Variants in DLGAP5 observed in about 807,000 individuals in gnomAD.
The protein encoded by DLGAP5 is disks large-associated protein 5.
A neutral mutation model predicts 99.6 loss-of-function variants in DLGAP5; 90 were observed. The observed-to-expected ratio is 0.90, with a 90% CI of 0.76 to 1.08. The LOEUF (loss-of-function observed/expected upper bound fraction) is 1.08, where lower values mean the gene tolerates loss of function less well. Among genes scored for constraint, DLGAP5 ranks in the 50% least tolerant of loss-of-function variants. DLGAP5 has a pLI of 0.00. For missense variants in DLGAP5, 1,036 were observed against 983.5 expected (o/e 1.05, Z -0.71); for synonymous variants, 311 against 321.3 (o/e 0.97, Z 0.34).
chr14:55,163,504 C>G (rs1037101881), intron 12 of DLGAP5, among the ~76,000 whole-genome samples: 2 of 152,096 alleles, frequency 1.3e-5, no homozygotes, highest in Non-Finnish European at 2.9e-5. Flanking sequence ...CATCCGTGTG[C>G]AGGTTTTTAT....
rs143471396 is a variant in DLGAP5, at chr14:55,184,056, G to T, written c.239-303C>A. On this transcript the variant is annotated intron_variant, in intron 2 of 18. Transcript: ENST00000247191. ...TAATCCCAGCTATTCGGGAGGTTGA[G>T]GTAGGAGAATTGCTTGAACCCAGGA... 7.2e-5 allele frequency among the ~76,000 whole-genome samples: 11 copies of T among 152,184 alleles called. No individual in the cohort carries two copies. The East Asian group carries it at 2.1e-3, about 29-fold the overall frequency.
rs148249656 is a variant in DLGAP5, at chr14:55,180,231, T to C, written c.703+425A>G. ...CCATTACTCAGCTGTCACTTCAGGG[T>C]ATGGTTTTCCAGTCCTATGTCCACA... On this transcript the variant is annotated intron_variant, in intron 6 of 18. Transcript: ENST00000247191. 4.9e-3 allele frequency among the ~76,000 whole-genome samples: 742 copies of C among 152,236 alleles called. 27 individuals are homozygous for C. The highest frequency in any genetic ancestry group is 0.042 in the Admixed American group (640 of 15,286).
intron 18 of DLGAP5, among the ~76,000 whole-genome samples, chr14:55,149,773 CG>C (rs1189813878): frequency 1.4e-5 from 2 of 142,810 alleles, no homozygotes; most frequent in Non-Finnish European, 3.0e-5. Context: ...CGGCCAGGCA[CG>C]GTGGCTCACG....
intron 12 of DLGAP5, among the ~76,000 whole-genome samples, chr14:55,166,840 A>C (rs1189948219): frequency 6.6e-6 from 1 of 152,022 alleles, no homozygotes; most frequent in Non-Finnish European, 1.5e-5. Flanking sequence ...AATGAATTTT[A>C]TCATATGTAA....
intron 1 of DLGAP5, among the ~76,000 whole-genome samples, chr14:55,190,316 G>A (rs200674792): frequency 8.6e-5 from 10 of 116,538 alleles, no homozygotes; most frequent in South Asian, 5.0e-4. Context: ...ACACACACAC[G>A]CACAAAATCA....
chr14:55,179,384 G>A (rs188210968), intron 7 of DLGAP5, among the ~76,000 whole-genome samples: 4 of 152,300 alleles, frequency 2.6e-5, no homozygotes, highest in Admixed American at 1.3e-4. Context: ...TCTCTCAGCT[G>A]TGTTTTTATT....
chr14:55,169,721 A>T (rs1882785811), intron 11 of DLGAP5, among the ~76,000 whole-genome samples, 162 bp from the exon 12 acceptor site: 1 of 152,264 alleles, frequency 6.6e-6, no homozygotes, highest in Admixed American at 6.5e-5. Context: ...AATACTGAGT[A>T]CTAACTATTT....
At chr14:55,159,392 A>G (rs1003333996) in intron 13 of DLGAP5, among the ~76,000 whole-genome samples, 3 of 152,214 alleles carry the variant, frequency 2.0e-5, no homozygotes, top group African/African-American at 7.2e-5. Context: ...ATTAACATCA[A>G]GCTGGTGTTT....
intron 12 of DLGAP5, among the ~76,000 whole-genome samples, chr14:55,167,534 C>T (rs1482571362): frequency 6.6e-6 from 1 of 152,130 alleles, no homozygotes; most frequent in Non-Finnish European, 1.5e-5. Flanking sequence ...TTTTTGTTTG[C>T]TCAGGGTTTT....
chr14:55,182,573 T>A (rs1051241779), intron 3 of DLGAP5, 141 bp from the exon 4 acceptor site: 1 of 583,198 alleles, frequency 1.7e-6, no homozygotes, highest in Non-Finnish European at 2.8e-6. Context: ...TTAAATTCCT[T>A]TTTCTGGTTC....
At chr14:55,150,879 G>C (rs1444371454) in intron 17 of DLGAP5, 31 bp from the exon 18 acceptor site, 8 of 1,457,052 alleles carry the variant, frequency 5.5e-6, no homozygotes, top group African/African-American at 1.4e-5. Context: ...ACTTTTTAAA[G>C]AATATTCTCA....
intron 12 of DLGAP5, among the ~76,000 whole-genome samples, chr14:55,167,545 G>C (rs1882687771): frequency 6.6e-6 from 1 of 152,250 alleles, no homozygotes; most frequent in African/African-American, 2.4e-5. Context: ...TCAGGGTTTT[G>C]GTTTGGTTGA....
intron 12 of DLGAP5, among the ~76,000 whole-genome samples, chr14:55,165,104 A>G (rs1882593070): frequency 6.6e-6 from 1 of 152,170 alleles, no homozygotes; most frequent in African/African-American, 2.4e-5. Flanking sequence ...CTCAATAATA[A>G]AGACAATGAA....
intron 17 of DLGAP5, among the ~76,000 whole-genome samples, 161 bp from the exon 18 acceptor site, chr14:55,151,009 C>T (rs1881998233): frequency 6.6e-6 from 1 of 152,172 alleles, no homozygotes; most frequent in African/African-American, 2.4e-5. Flanking sequence ...TAGTTAAATT[C>T]TTATCCTTAA....
chr14:55,151,618 T>C (rs1882021218), intron 17 of DLGAP5, 77 bp downstream of exon 17: 13 of 1,430,138 alleles, frequency 9.1e-6, no homozygotes, highest in Non-Finnish European at 1.2e-5. Flanking sequence ...AAAATGGACC[T>C]TATAGGATAA....
chr14:55,160,213 TAAAATACAAAAATA>T (rs1029199397), intron 13 of DLGAP5, among the ~76,000 whole-genome samples: 1 of 138,768 alleles, frequency 7.2e-6, no homozygotes, highest in African/African-American at 2.7e-5. Context: ...AAAAAATAAA[TAAAATACAAAAATA>T]AAAATACAAG....
At chr14:55,163,575 T>A (rs373643274) in intron 12 of DLGAP5, among the ~76,000 whole-genome samples, 30 of 152,320 alleles carry the variant, frequency 2.0e-4, no homozygotes, top group East Asian at 1.2e-3. Context: ...TAGGAGTATG[T>A]TTAGTTTTGC....
intron 7 of DLGAP5, among the ~76,000 whole-genome samples, chr14:55,178,974 G>A (rs1186625982): frequency 1.3e-5 from 2 of 152,108 alleles, no homozygotes; most frequent in Non-Finnish European, 2.9e-5. Flanking sequence ...TTGAACCCGG[G>A]GAGCGGAAGG....
Position 55,181,206 on chromosome 14 carries a change from T to G in DLGAP5, c.580+7A>C. The G allele has an allele frequency of 1.9e-6, 3 of 1,612,774 alleles. No homozygotes were observed. Among genetic ancestry groups the G allele is most frequent in the Non-Finnish European group, 2.5e-6 (3 of 1,179,332 alleles). Reference sequence around the variant, plus strand: ...AGAGGATTTATAGTAATTGCTAATATTCCTACCTTTTTTCTCTTTGTCTGA... The same window carrying G: ...AGAGGATTTATAGTAATTGCTAATAGTCCTACCTTTTTTCTCTTTGTCTGA... On this transcript the variant is annotated splice_region_variant and intron_variant, in intron 5 of 18. Coordinates refer to ENST00000247191, the MANE Select transcript of DLGAP5 (RefSeq NM_014750.5).
Sources: allele counts gnomAD v4.1 joint callset (sites outside exome capture counted in the v4.1 genomes callset), GRCh38; gene constraint gnomAD v4.1.1; transcripts MANE v1.5; gene names NCBI Gene and HGNC (gene_info 2026-07-23, HGNC 2026-07-21).